Variants in NR6A1 observed in about 807,000 individuals in gnomAD.
The protein encoded by NR6A1 is retinoic acid receptor-related testis-associated receptor.
In NR6A1, 7 loss-of-function variants were observed where a neutral mutation model predicts 59.1. That is an observed-to-expected ratio of 0.12 (90% CI 0.07 to 0.22). The LOEUF (loss-of-function observed/expected upper bound fraction) is 0.22, where lower values mean the gene tolerates loss of function less well. Among genes scored for constraint, NR6A1 ranks in the 10% least tolerant of loss-of-function variants. The pLI is 1.00. For missense variants in NR6A1, 468 were observed against 611.6 expected (o/e 0.77, Z 2.48); for synonymous variants, 243 against 236.1 (o/e 1.03, Z -0.27).
At chr9:124,703,231 G>A (rs1445086983) in intron 2 of NR6A1, among the ~76,000 whole-genome samples, 1 of 43,826 alleles carries the variant, frequency 2.3e-5, no homozygotes, top group East Asian at 7.2e-4. Context: ...TTTTTTTTTT[G>A]AGACAGGATC....
intron 2 of NR6A1, among the ~76,000 whole-genome samples, chr9:124,694,358 C>G (rs1838672905): frequency 6.6e-6 from 1 of 152,078 alleles, no homozygotes; most frequent in Admixed American, 6.6e-5. Flanking sequence ...TTTTGTTATT[C>G]AGCTATATAT....
At chr9:124,738,820 T>C (rs945607078) in intron 1 of NR6A1, among the ~76,000 whole-genome samples, 8 of 151,850 alleles carry the variant, frequency 5.3e-5, no homozygotes, top group African/African-American at 7.3e-5. Flanking sequence ...TTGGCCAACA[T>C]AGTGAAACCC....
At chr9:124,661,305 C>T (rs1335175085) in intron 2 of NR6A1, among the ~76,000 whole-genome samples, 1 of 152,160 alleles carries the variant, frequency 6.6e-6, no homozygotes, top group African/African-American at 2.4e-5. Flanking sequence ...GGGAGAGATA[C>T]TTCTCCAATC....
intron 1 of NR6A1, among the ~76,000 whole-genome samples, chr9:124,745,545 C>A (rs896584855): frequency 6.6e-6 from 1 of 151,886 alleles, no homozygotes; most frequent in Admixed American, 6.6e-5. Context: ...GTGGCGCATG[C>A]CTGTAGTCCC....
chr9:124,718,125 C>CA (rs766146903), intron 2 of NR6A1, among the ~76,000 whole-genome samples: 10 of 152,232 alleles, frequency 6.6e-5, no homozygotes, highest in Non-Finnish European at 1.5e-4. Context: ...CTATGCTACT[C>CA]AGCAAGAAAG....
At chr9:124,726,055 G>C (rs1436452715) in intron 2 of NR6A1, among the ~76,000 whole-genome samples, 2 of 152,078 alleles carry the variant, frequency 1.3e-5, no homozygotes, top group African/African-American at 4.8e-5. Flanking sequence ...CCAATCACAG[G>C]GCAAAATTTC....
intron 2 of NR6A1, among the ~76,000 whole-genome samples, chr9:124,617,692 C>G (rs772919526): frequency 1.5e-4 from 23 of 152,090 alleles, no homozygotes; most frequent in African/African-American, 5.6e-4. Flanking sequence ...TCCCCCAGAC[C>G]AACAAGGCCT....
At chr9:124,597,457 C>T (rs1835311082) in intron 2 of NR6A1, among the ~76,000 whole-genome samples, 2 of 152,122 alleles carry the variant, frequency 1.3e-5, no homozygotes, top group Non-Finnish European at 2.9e-5. Context: ...CTCTGTCTCC[C>T]TTAAGGATAT....
rs537780030 is a variant in NR6A1 at position 124,753,225 on chromosome 9, T to C, written c.100+17795A>G. ...AAGAAAAATGTGGTGTTAGTTTTTCTAGTGCCTCTCTAGTGCTTACTAATC... is the reference window on the plus strand; with the variant it reads ...AAGAAAAATGTGGTGTTAGTTTTTCCAGTGCCTCTCTAGTGCTTACTAATC... On this transcript the variant is annotated intron_variant, in intron 1 of 9. Coordinates refer to ENST00000487099, the MANE Select transcript of NR6A1 (RefSeq NM_033334.4). Among the ~76,000 whole-genome samples, 6 of 152,358 alleles carry C rather than the reference T, an allele frequency of 3.9e-5. No individual in the cohort carries two copies. The East Asian group carries it at 9.6e-4, about 24-fold the overall frequency.
chr9:124,708,342 G>A (rs545040170), intron 2 of NR6A1, among the ~76,000 whole-genome samples: 20 of 152,264 alleles, frequency 1.3e-4, no homozygotes, highest in Admixed American at 7.2e-4. Flanking sequence ...AACAGGCCCA[G>A]GCAACACGAC....
chr9:124,724,037 T>C (rs916751032), intron 2 of NR6A1, among the ~76,000 whole-genome samples: 2 of 152,238 alleles, frequency 1.3e-5, no homozygotes, highest in African/African-American at 2.4e-5. Flanking sequence ...TGCTCAACAA[T>C]AGGAGGATGG....
intron 2 of NR6A1, among the ~76,000 whole-genome samples, chr9:124,614,131 CT>C (rs1588710342): frequency 6.6e-6 from 1 of 152,134 alleles, no homozygotes; most frequent in East Asian, 1.9e-4. Context: ...GGATTAGAAG[CT>C]GGGAGTCCAG....
intron 2 of NR6A1, among the ~76,000 whole-genome samples, chr9:124,695,910 A>G (rs1219207754): frequency 1.3e-5 from 2 of 152,214 alleles, no homozygotes; most frequent in Non-Finnish European, 2.9e-5. Flanking sequence ...CAATGAAACA[A>G]TTATATATTT....
intron 2 of NR6A1, among the ~76,000 whole-genome samples, chr9:124,580,456 G>C (rs1023773017): frequency 5.9e-5 from 9 of 152,080 alleles, no homozygotes; most frequent in African/African-American, 2.2e-4. Flanking sequence ...AATGGTTCTG[G>C]CTAGAAAATA....
At chr9:124,641,359 CAAA>C (rs558122642) in intron 2 of NR6A1, among the ~76,000 whole-genome samples, 5 of 81,478 alleles carry the variant, frequency 6.1e-5, no homozygotes, top group Admixed American at 2.8e-4. Context: ...AAATCTGTCT[CAAA>C]AAAAAAAAAA....
chr9:124,598,588 G>T (rs1348362914), intron 2 of NR6A1: 2 of 300,226 alleles, frequency 6.7e-6, no homozygotes, highest in East Asian at 7.6e-5. Flanking sequence ...TTATATAACG[G>T]CCTTTTGTAA....
intron 1 of NR6A1, among the ~76,000 whole-genome samples, chr9:124,752,694 C>T (rs1303498562): frequency 6.6e-6 from 1 of 151,740 alleles, no homozygotes; most frequent in African/African-American, 2.4e-5. Flanking sequence ...GGTACAAGTA[C>T]CTACAAAATT....
At chr9:124,753,842 C>T (rs1016826059) in intron 1 of NR6A1, among the ~76,000 whole-genome samples, 43 of 152,270 alleles carry the variant, frequency 2.8e-4, no homozygotes, top group African/African-American at 1.0e-3. Context: ...GGGACCTAGC[C>T]TTGCTTTTAC....
At chr9:124,674,269 A>T (rs1049876921) in intron 2 of NR6A1, among the ~76,000 whole-genome samples, 3 of 152,206 alleles carry the variant, frequency 2.0e-5, no homozygotes, top group Non-Finnish European at 2.9e-5. Context: ...CACAGGAGGC[A>T]CTCAAATGGT....
Sources: gnomAD v4.1 joint callset for allele counts (sites outside exome capture counted in the v4.1 genomes callset) on GRCh38, gnomAD v4.1.1 for gene constraint, MANE v1.5 for transcripts, NCBI Gene and HGNC (gene_info 2026-07-23, HGNC 2026-07-21) for gene names.